Variants in ANKRD52 observed in about 807,000 individuals in gnomAD.
ANKRD52 encodes the protein ankyrin repeat domain 52, also known as serine/threonine-protein phosphatase 6 regulatory ankyrin repeat subunit C.
In ANKRD52, 7 loss-of-function variants were observed where a neutral mutation model predicts 116.0. The ratio of observed to expected loss-of-function variants is 0.06; its 90% CI spans 0.03 to 0.11. The LOEUF (loss-of-function observed/expected upper bound fraction) is 0.11. Among genes scored for constraint, ANKRD52 ranks in the 10% least tolerant of loss-of-function variants. ANKRD52 has a pLI of 1.00. For missense variants in ANKRD52, 839 were observed against 1,408.6 expected (o/e 0.60, Z 6.47); for synonymous variants, 528 against 578.1 (o/e 0.91, Z 1.24).
At position 56,257,289 on chromosome 12, in the gene ANKRD52, T is replaced by C. The variant is rs376052315; in HGVS notation, c.184A>G (p.Met62Val). ...GDVPILQLLL[M>V]SGANVNAKDT... Reference sequence around the variant, plus strand: ...TCCAGCTCCCCACTTTCACCTGACATCAGTAGCAACTGGAGGATGGGGACA... The same window carrying C: ...TCCAGCTCCCCACTTTCACCTGACACCAGTAGCAACTGGAGGATGGGGACA... The change falls in exon 3 of 28, where the codon ATG becomes GTG. Residue 62 changes from methionine to valine, a missense_variant. Met to Val is a conservative substitution (Grantham distance 21). Around this residue, in one of 2 missense-constraint regions of ANKRD52, gnomAD observed 287 missense variants for 598.1 expected, o/e 0.48. Coordinates refer to ENST00000267116, the MANE Select transcript of ANKRD52 (RefSeq NM_173595.4). The C allele has an allele frequency of 6.3e-7, 1 of 1,594,734 alleles. No individual in the cohort carries two copies. Among genetic ancestry groups the C allele is most frequent in the Admixed American group, 1.8e-5 (1 of 56,840 alleles).
intron 18 of ANKRD52, 63 bp downstream of exon 18, chr12:56,247,960 A>G: frequency 6.7e-7 from 1 of 1,501,840 alleles, no homozygotes; most frequent in Non-Finnish European, 9.0e-7. Flanking sequence ...TTCCAGCCCC[A>G]TTCCCATCCA....
rs767194062 is a variant in ANKRD52, at chr12:56,254,875, T to A, written c.540A>T (p.Ala180=). Residue 180 remains alanine, a synonymous_variant, in exon 6 of 28, where the codon GCA becomes GCT. Transcript: ENST00000267116. This position sits in a 1 kb window ranked among gnomAD's most constrained non-coding sequence, Gnocchi z 4.6. The stretch of plus-strand genomic sequence containing the variant: ...TGTATTCTCTCTCACCTAGAAAAGC[T>A]GCCCAATGCAGAGGCTGCCGCTCCT... ...DKKERQPLHW[A]AFLGHLEVLK... 2 of 1,612,806 alleles carry A rather than the reference T, an allele frequency of 1.2e-6. No homozygotes were observed. The highest frequency in any genetic ancestry group is 2.2e-5 in the South Asian group (2 of 91,076).
In ANKRD52 at chr12:56,242,289, T is replaced by C; in HGVS notation, c.*853A>G. 1 of 397,690 alleles carries C rather than the reference T, an allele frequency of 2.5e-6. No individual in the cohort carries two copies. Among genetic ancestry groups the C allele is most frequent in the East Asian group, 3.6e-5 (1 of 28,060 alleles). 24.6% of individuals were successfully genotyped at this position (397,690 alleles called of 1,614,324 possible). A position where few individuals can be genotyped will look rare whatever the true frequency, so the allele number is the denominator to read the frequency against. On this transcript the variant is annotated 3_prime_UTR_variant, in exon 28 of 28. Transcript: ENST00000267116. The surrounding 1 kb of genome is among the most constrained non-coding windows in gnomAD (Gnocchi z 4.3). Reference sequence around the variant, plus strand: ...GATAAAACGCTTACTTAAAAATTCATGACAAGCCTCAAAGTTCAAGGGAAG... The same window carrying C: ...GATAAAACGCTTACTTAAAAATTCACGACAAGCCTCAAAGTTCAAGGGAAG...
Position 56,244,348 on chromosome 12 carries a change from A to AGTACCTTGCTACAAGCCAAGT in ANKRD52, c.2789_2805+4dup, listed in dbSNP as rs1287335409. 6.2e-7 allele frequency: 1 copy of AGTACCTTGCTACAAGCCAAGT among 1,613,796 alleles called. No homozygotes were observed. The highest frequency in any genetic ancestry group is 8.5e-7 in the Non-Finnish European group (1 of 1,179,756). ...TGCAGTCCCCCAATCACTTCAGGTAAGTACCTTGCTACAAGCCAAGTGGAG... is the reference window on the plus strand; with the variant it reads ...TGCAGTCCCCCAATCACTTCAGGTAAGTACCTTGCTACAAGCCAAGTGTACCTTGCTACAAGCCAAGTGGAG... On this transcript the variant is annotated splice_donor_region_variant and intron_variant, in intron 25 of 27. Coordinates refer to ENST00000267116, the MANE Select transcript of ANKRD52 (RefSeq NM_173595.4). The surrounding 1 kb of genome is among the most constrained non-coding windows in gnomAD (Gnocchi z 4.9).
Position 56,255,043 on chromosome 12 carries a change from A to C in ANKRD52, c.463-91T>G. On this transcript the variant is annotated intron_variant, in intron 5 of 27. Coordinates refer to ENST00000267116, the MANE Select transcript of ANKRD52 (RefSeq NM_173595.4). This position sits in a 1 kb window ranked among gnomAD's most constrained non-coding sequence, Gnocchi z 4.3. ...GAGGCCTCATCTCCTGAAAAGGCTGAGGCAGCCTAATGCCTTTTTCCATGA... is the reference window on the plus strand; with the variant it reads ...GAGGCCTCATCTCCTGAAAAGGCTGCGGCAGCCTAATGCCTTTTTCCATGA... 1 of 1,370,052 alleles carries C rather than the reference A, an allele frequency of 7.3e-7. No homozygotes were observed. The highest frequency in any genetic ancestry group is 1.2e-5 in the South Asian group (1 of 82,844). 84.9% of individuals were successfully genotyped at this position (1,370,052 alleles called of 1,614,324 possible).
rs1871808566 is a variant in ANKRD52, at chr12:56,253,698, G to C, written c.985+24C>G. 6.2e-7 allele frequency: 1 copy of C among 1,609,346 alleles called. No individual in the cohort carries two copies. Among genetic ancestry groups the C allele is most frequent in the Non-Finnish European group, 8.5e-7 (1 of 1,176,248 alleles). On this transcript the variant is annotated intron_variant, in intron 9 of 27. Transcript: ENST00000267116. The surrounding 1 kb of genome is among the most constrained non-coding windows in gnomAD (Gnocchi z 5.5). ...TTCCTTGGGGGAGGAGGGGATGAGA[G>C]CACAAAGTCTCCCAGGTCCATACCA...
chr12:56,248,413 A>C lies in ANKRD52; in HGVS notation c.1776+82T>G. The C allele has an allele frequency of 6.7e-7, 1 of 1,486,088 alleles. No individual in the cohort carries two copies. The highest frequency in any genetic ancestry group is 9.2e-7 in the Non-Finnish European group (1 of 1,084,858). 92.1% of individuals were successfully genotyped at this position (1,486,088 alleles called of 1,614,324 possible). On this transcript the variant is annotated intron_variant, in intron 17 of 27. Coordinates refer to ENST00000267116, the MANE Select transcript of ANKRD52 (RefSeq NM_173595.4). This position sits in a 1 kb window ranked among gnomAD's most constrained non-coding sequence, Gnocchi z 5.1. ...CCACAAAAAGGCAGAAGGAAGGATA[A>C]CTTCACAAGTGCTGGCACCTTTGTT... is the stretch of plus-strand genomic sequence containing the variant.
In ANKRD52 at chr12:56,242,830, GCAGA is replaced by G. The variant is rs1404214928; in HGVS notation, c.*308_*311del. 5.7e-6 allele frequency: 2 copies of G among 348,352 alleles called. No individual in the cohort carries two copies. Among genetic ancestry groups the G allele is most frequent in the African/African-American group, 4.1e-5 (2 of 48,508 alleles). The allele number at this position is 348,352 out of a possible 1,614,324, so 21.6% of individuals were successfully genotyped here. On this transcript the variant is annotated 3_prime_UTR_variant, in exon 28 of 28. Coordinates refer to ENST00000267116, the MANE Select transcript of ANKRD52 (RefSeq NM_173595.4). This position sits in a 1 kb window ranked among gnomAD's most constrained non-coding sequence, Gnocchi z 4.3. The stretch of plus-strand genomic sequence containing the variant: ...CAGGGAAGAGTCGGGGGAGCTGGCA[GCAGA>G]AAGAGGGAACCAAGAGATGGAGTCA...
intron 20 of ANKRD52, among the ~76,000 whole-genome samples, chr12:56,247,213 G>T (rs377090381): frequency 9.9e-5 from 15 of 151,482 alleles, no homozygotes; most frequent in African/African-American, 3.4e-4. Flanking sequence ...GGGCATGATG[G>T]CATGTGCCTA....
Position 56,248,739 on chromosome 12 carries a change from G to T in ANKRD52, c.1704+20C>A. The T allele has an allele frequency of 6.3e-7, 1 of 1,588,254 alleles. No homozygotes were observed. ...CCCTGCCCCTGCCTCCCCTCCTGCA[G>T]GCCGGGCCCCAACACATACCAGTTC... On this transcript the variant is annotated intron_variant, in intron 16 of 27. Transcript: ENST00000267116. This position sits in a 1 kb window ranked among gnomAD's most constrained non-coding sequence, Gnocchi z 5.1.
At chr12:56,247,357 A>AG (rs1482572470) in intron 20 of ANKRD52, 136 bp downstream of exon 20, 2 of 754,630 alleles carry the variant, frequency 2.7e-6, no homozygotes, top group East Asian at 5.4e-5. Context: ...AAAAAAAAAA[A>AG]AAAAAAAGAA....
Position 56,254,462 on chromosome 12 carries a change from C to A in ANKRD52, c.693+116G>T. 6.7e-7 allele frequency: 1 copy of A among 1,497,640 alleles called. No homozygotes were observed. 92.8% of individuals were successfully genotyped at this position (1,497,640 alleles called of 1,614,324 possible). A position where few individuals can be genotyped will look rare whatever the true frequency, so the allele number is the denominator to read the frequency against. On this transcript the variant is annotated intron_variant, in intron 7 of 27. Coordinates refer to ENST00000267116, the MANE Select transcript of ANKRD52 (RefSeq NM_173595.4). The surrounding 1 kb of genome is among the most constrained non-coding windows in gnomAD (Gnocchi z 4.6). ...AGCATTATTCAGACCCTCTCTACCA[C>A]GTCCTTCCAACTTCCCAAAACTATA...
At chr12:56,251,544 C>T (rs1871692973) in intron 15 of ANKRD52, among the ~76,000 whole-genome samples, 2 of 152,158 alleles carry the variant, frequency 1.3e-5, no homozygotes, top group African/African-American at 4.8e-5. Context: ...CTACGCCCAG[C>T]CTCATCTTTT....
chr12:56,257,764 G>T, intron 2 of ANKRD52, 64 bp downstream of exon 2: 4 of 1,509,998 alleles, frequency 2.6e-6, no homozygotes, highest in Non-Finnish European at 3.6e-6. Flanking sequence ...CCCACCGGTG[G>T]GGAGGGGTCC....
Position 56,248,331 on chromosome 12 carries a change from GACA to G in ANKRD52, c.1777-110_1777-108del. On this transcript the variant is annotated intron_variant, in intron 17 of 27. Coordinates refer to ENST00000267116, the MANE Select transcript of ANKRD52 (RefSeq NM_173595.4). The surrounding 1 kb of genome is among the most constrained non-coding windows in gnomAD (Gnocchi z 5.1). The stretch of plus-strand genomic sequence containing the variant: ...TGGGAAGCTCAAGGTCTTAGTCCTT[GACA>G]AGCTCCTTGGGCCCCTTAAGGCTTC... The G allele has an allele frequency of 6.8e-7, 1 of 1,470,534 alleles. No homozygotes were observed. The highest frequency in any genetic ancestry group is 9.4e-7 in the Non-Finnish European group (1 of 1,065,646). The allele number at this position is 1,470,534 out of a possible 1,614,324, so 91.1% of individuals were successfully genotyped here.
rs750356870 is a variant in ANKRD52 at position 56,248,165 on chromosome 12, G to A, written c.1836C>T (p.Asp612=). 23 of 1,613,814 alleles carry A rather than the reference G, an allele frequency of 1.4e-5. No individual in the cohort carries two copies. Among genetic ancestry groups the A allele is most frequent in the Middle Eastern group, 1.6e-4 (1 of 6,084 alleles). ...KTLAETLVNL[D]VRDHKGRTAL... Reference sequence around the variant, plus strand: ...CGGTCCGGCCCTTGTGGTCCCTTACGTCCAGATTCACCAGCGTCTCCGCCA... The same window carrying A: ...CGGTCCGGCCCTTGTGGTCCCTTACATCCAGATTCACCAGCGTCTCCGCCA... The change falls in exon 18 of 28, where the codon GAC becomes GAT. Residue 612 remains aspartate, a synonymous_variant. Transcript: ENST00000267116. The surrounding 1 kb of genome is among the most constrained non-coding windows in gnomAD (Gnocchi z 5.1).
In ANKRD52 at chr12:56,241,947, T is replaced by C. The variant is rs951757531; in HGVS notation, c.*1195A>G. 3 of 398,458 alleles carry C rather than the reference T, an allele frequency of 7.5e-6. No individual in the cohort carries two copies. The highest frequency in any genetic ancestry group is 6.2e-5 in the African/African-American group (3 of 48,594). The allele number at this position is 398,458 out of a possible 1,614,324, so 24.7% of individuals were successfully genotyped here. A position where few individuals can be genotyped will look rare whatever the true frequency, so the allele number is the denominator to read the frequency against. ...GGGACCAAGCCCCAGTACCTATTCA[T>C]CTCTCTCTAGGTCAGAGCTTCTTCC... On this transcript the variant is annotated 3_prime_UTR_variant, in exon 28 of 28. Transcript: ENST00000267116.
In ANKRD52 at chr12:56,239,705, T is replaced by C. The variant is rs1592384111; in HGVS notation, c.*3437A>G. The C allele has an allele frequency of 1.3e-5, 2 of 152,382 alleles. No individual in the cohort carries two copies. The highest frequency in any genetic ancestry group is 2.1e-4 in the South Asian group (1 of 4,826). The allele number at this position is 152,382 out of a possible 1,614,324, so 9.4% of individuals were successfully genotyped here. On this transcript the variant is annotated 3_prime_UTR_variant, in exon 28 of 28. Transcript: ENST00000267116. Reference sequence around the variant, plus strand: ...CTCCTTCCAAGACCCTGGAGGAGGTTCTGGGGATACAGCTGTAGAACCGTT... The same window carrying C: ...CTCCTTCCAAGACCCTGGAGGAGGTCCTGGGGATACAGCTGTAGAACCGTT...
In ANKRD52 at chr12:56,258,380, G is replaced by C; in HGVS notation, c.-111C>G. Reference sequence around the variant, plus strand: ...CTGCGGTGGCGGCTGCAGGGAGAGCGCGGCCCCGCCTACCGGGGGGCGGGC... The same window carrying C: ...CTGCGGTGGCGGCTGCAGGGAGAGCCCGGCCCCGCCTACCGGGGGGCGGGC... On this transcript the variant is annotated 5_prime_UTR_variant, in exon 1 of 28. Coordinates refer to ENST00000267116, the MANE Select transcript of ANKRD52 (RefSeq NM_173595.4). 8.3e-7 allele frequency: 1 copy of C among 1,198,366 alleles called. No homozygotes were observed. Among genetic ancestry groups the C allele is most frequent in the Non-Finnish European group, 1.1e-6 (1 of 950,828 alleles). The allele number at this position is 1,198,366 out of a possible 1,614,324, so 74.2% of individuals were successfully genotyped here. A position where few individuals can be genotyped will look rare whatever the true frequency, so the allele number is the denominator to read the frequency against.
Sources: gnomAD v4.1 joint callset for allele counts (sites outside exome capture counted in the v4.1 genomes callset) on GRCh38, gnomAD v4.1.1 for gene constraint, gnomAD v4.1.1 regional missense constraint, Gnocchi (gnomAD v3.1) non-coding constraint, MANE v1.5 for transcripts, NCBI Gene and HGNC (gene_info 2026-07-23, HGNC 2026-07-21) for gene names.